The following TAFA1 variants were observed in gnomAD, a reference collection of about 807,000 sequenced individuals.
The protein encoded by TAFA1 is chemokine-like protein TAFA-1.
TAFA1 carries 4 observed loss-of-function variants against 18.5 expected under a neutral mutation model. The ratio of observed to expected loss-of-function variants is 0.22; its 90% confidence interval spans 0.11 to 0.49. The LOEUF is 0.49. Ranked by LOEUF, TAFA1 falls within the 20% of genes least tolerant of loss-of-function variation. The pLI is 0.98. For missense variants in TAFA1, 147 were observed against 169.0 expected, an observed-to-expected ratio of 0.87 and a Z score of 0.72; for synonymous variants, 56 against 55.2, an observed-to-expected ratio of 1.01 and a Z score of -0.06.
At chr3:68,341,612 A>G (rs979562582) in intron 2 of TAFA1, among the ~76,000 whole-genome samples, 6 of 152,250 alleles carry the variant, frequency 3.9e-5, no homozygotes, top group African/African-American at 1.4e-4. Flanking sequence ...GCTATTACCA[A>G]TTTTGTTGCA....
chr3:68,350,038 C>G (rs1174290050), intron 2 of TAFA1, among the ~76,000 whole-genome samples: 6 of 152,106 alleles, frequency 3.9e-5, no homozygotes, highest in Non-Finnish European at 8.8e-5. Flanking sequence ...CTCTATAACT[C>G]TGATTTAAGG....
chr3:68,295,734 G>A (rs2107287101), intron 2 of TAFA1, among the ~76,000 whole-genome samples: 1 of 152,246 alleles, frequency 6.6e-6, no homozygotes, highest in South Asian at 2.1e-4. Context: ...AGCCTCCCAA[G>A]TAACCAGGAT....
chr3:68,211,813 C>G (rs1487530949), intron 2 of TAFA1, among the ~76,000 whole-genome samples: 1 of 151,974 alleles, frequency 6.6e-6, no homozygotes, highest in Non-Finnish European at 1.5e-5. Flanking sequence ...TAACAACCAC[C>G]TTTTATGGGA....
At chr3:68,408,413 T>C (rs1262558450) in intron 2 of TAFA1, among the ~76,000 whole-genome samples, 5 of 152,162 alleles carry the variant, frequency 3.3e-5, no homozygotes, top group African/African-American at 1.2e-4. Flanking sequence ...CAAGTTGATT[T>C]CTCTAGAAGG....
chr3:68,190,950 C>T (rs1439611919), intron 2 of TAFA1, among the ~76,000 whole-genome samples: 1 of 151,746 alleles, frequency 6.6e-6, no homozygotes, highest in African/African-American at 2.4e-5. Flanking sequence ...ACATTGATTT[C>T]CTAGTCATTT....
At chr3:68,210,332 C>T (rs935375081) in intron 2 of TAFA1, among the ~76,000 whole-genome samples, 2 of 151,980 alleles carry the variant, frequency 1.3e-5, no homozygotes, top group Non-Finnish European at 2.9e-5. Context: ...GGGGACCATC[C>T]TGACAGGCCA....
intron 2 of TAFA1, among the ~76,000 whole-genome samples, chr3:68,291,843 A>G (rs998763835): frequency 2.0e-5 from 3 of 152,322 alleles, no homozygotes; most frequent in East Asian, 3.9e-4. Flanking sequence ...GTCACCTGCC[A>G]TACAAGGGAT....
intron 2 of TAFA1, among the ~76,000 whole-genome samples, chr3:68,120,131 G>C (rs995176765): frequency 6.6e-6 from 1 of 151,600 alleles, no homozygotes; most frequent in African/African-American, 2.4e-5. Flanking sequence ...TTCATAGTAA[G>C]CCTCCATATT....
intron 2 of TAFA1, among the ~76,000 whole-genome samples, chr3:68,367,908 T>A (rs192858850): frequency 8.7e-4 from 133 of 152,316 alleles, no homozygotes; most frequent in Non-Finnish European, 1.5e-3. Context: ...ATTGTTTGTG[T>A]AACTAATGTT....
At chr3:68,205,445 T>C (rs1395772526) in intron 2 of TAFA1, among the ~76,000 whole-genome samples, 1 of 151,886 alleles carries the variant, frequency 6.6e-6, no homozygotes, top group Non-Finnish European at 1.5e-5. Context: ...CCATCAGGAC[T>C]CTGTGACCCT....
intron 2 of TAFA1, among the ~76,000 whole-genome samples, chr3:68,108,732 G>T (rs1181843111): frequency 6.6e-6 from 1 of 152,012 alleles, no homozygotes; most frequent in Non-Finnish European, 1.5e-5. Context: ...TAAATGAAAT[G>T]TTCAAAACAA....
chr3:68,140,830 C>T (rs914444798), intron 2 of TAFA1, among the ~76,000 whole-genome samples: 1 of 152,186 alleles, frequency 6.6e-6, no homozygotes, highest in African/African-American at 2.4e-5. Flanking sequence ...TTAGAGCCCA[C>T]TATACCTACC....
At chr3:68,467,796 AT>A (rs1451465453) in intron 3 of TAFA1, among the ~76,000 whole-genome samples, 1 of 152,202 alleles carries the variant, frequency 6.6e-6, no homozygotes, top group Non-Finnish European at 1.5e-5. Context: ...GGCTAAACTG[AT>A]TTAGCAAATT....
intron 3 of TAFA1, among the ~76,000 whole-genome samples, chr3:68,499,389 T>C (rs2072614176): frequency 6.6e-6 from 1 of 151,792 alleles, no homozygotes; most frequent in Non-Finnish European, 1.5e-5. Context: ...CTTTTTGTTT[T>C]TGTTTATTGT....
intron 2 of TAFA1, among the ~76,000 whole-genome samples, chr3:68,203,052 G>A (rs1173596068): frequency 6.7e-6 from 1 of 149,572 alleles, no homozygotes; most frequent in African/African-American, 2.5e-5. Flanking sequence ...TCACTTTAAA[G>A]AATAATTTTG....
At chr3:68,233,798 A>AGGACC (rs1456785995) in intron 2 of TAFA1, among the ~76,000 whole-genome samples, 1 of 152,148 alleles carries the variant, frequency 6.6e-6, no homozygotes. Context: ...CTATACCAGA[A>AGGACC]GGACCTTATT....
intron 2 of TAFA1, among the ~76,000 whole-genome samples, chr3:68,406,182 A>C (rs1384606013): frequency 6.6e-6 from 1 of 152,182 alleles, no homozygotes. Context: ...AGTGTTTTAT[A>C]TAATTTTAGA....
intron 2 of TAFA1, among the ~76,000 whole-genome samples, chr3:68,345,532 G>A (rs2069151299): frequency 6.6e-6 from 1 of 152,136 alleles, no homozygotes; most frequent in South Asian, 2.1e-4. Flanking sequence ...GAAGTCAGGG[G>A]AAAACGTGAG....
chr3:68,245,189 T>C (rs2067054346), intron 2 of TAFA1, among the ~76,000 whole-genome samples: 1 of 152,232 alleles, frequency 6.6e-6, no homozygotes, highest in African/African-American at 2.4e-5. Context: ...AAAAATAAAA[T>C]GGTAGTCTTC....
Sources: gnomAD v4.1 joint callset for allele counts (sites outside exome capture counted in the v4.1 genomes callset) on GRCh38, gnomAD v4.1.1 for gene constraint, MANE v1.5 for transcripts, NCBI Gene and HGNC (gene_info 2026-07-23, HGNC 2026-07-21) for gene names.